Variants in VWA3A observed in about 807,000 individuals in gnomAD.
VWA3A encodes the protein von Willebrand factor A domain-containing protein 3A.
In VWA3A, 134 loss-of-function variants were observed where a neutral mutation model predicts 160.4. The observed-to-expected ratio is 0.84, with a 90% CI of 0.73 to 0.96. The LOEUF is 0.96. VWA3A is among the 40% of genes least tolerant of loss of function. VWA3A has a pLI of 0.00. For synonymous variants in VWA3A, 476 were observed against 543.4 expected, an observed-to-expected ratio of 0.88 and a Z score of 1.72; for missense variants, 1,310 against 1,447.9, an observed-to-expected ratio of 0.90 and a Z score of 1.55.
intron 27 of VWA3A, 44 bp from the exon 28 acceptor site, chr16:22,148,118 C>G: frequency 6.5e-7 from 1 of 1,540,284 alleles, no homozygotes; most frequent in Non-Finnish European, 8.8e-7. Context: ...GGAGGAGGGA[C>G]CCCTCACTCC....
chr16:22,099,840 C>T (rs2045380147), intron 3 of VWA3A, among the ~76,000 whole-genome samples: 1 of 152,124 alleles, frequency 6.6e-6, no homozygotes, highest in Non-Finnish European at 1.5e-5. Flanking sequence ...TTTGGGAGGC[C>T]AAGGCTGGTG....
Position 22,141,686 on chromosome 16 carries a change from G to A in VWA3A, c.2488G>A (p.Asp830Asn), listed in dbSNP as rs1030057808. 2.5e-6 allele frequency: 4 copies of A among 1,607,952 alleles called. No individual in the cohort carries two copies. The African/African-American group carries it at 5.3e-5, about 21-fold the overall frequency. The change falls in exon 24 of 34, where the codon GAC becomes AAC. Residue 830 changes from aspartate (D) to asparagine (N), a missense_variant. By Grantham distance (23) the Asp-to-Asn change is conservative (BLOSUM62 1). Transcript: ENST00000389398. Reference protein sequence around the residue: ...LLLFYTEKGNDVGSVYKKYPQ... With the variant: ...LLLFYTEKGNNVGSVYKKYPQ... Reference sequence around the variant, plus strand: ...ACTGTTCTACACAGAGAAAGGGAATGACGTGGGTAAGTTAGAGGCTATACA... The same window carrying A: ...ACTGTTCTACACAGAGAAAGGGAATAACGTGGGTAAGTTAGAGGCTATACA...
At chr16:22,113,124 C>T (rs1432211126) in intron 8 of VWA3A, among the ~76,000 whole-genome samples, 2 of 152,076 alleles carry the variant, frequency 1.3e-5, no homozygotes, top group Non-Finnish European at 2.9e-5. Flanking sequence ...TTGTCATAAC[C>T]CTATGTCATA....
At chr16:22,108,894 C>T (rs889832738) in intron 6 of VWA3A, among the ~76,000 whole-genome samples, 1 of 152,142 alleles carries the variant, frequency 6.6e-6, no homozygotes, top group African/African-American at 2.4e-5. Flanking sequence ...GGAGTAATAA[C>T]TGTAGAGTAA....
intron 26 of VWA3A, among the ~76,000 whole-genome samples, chr16:22,145,390 G>C (rs962335594): frequency 2.6e-5 from 4 of 152,164 alleles, no homozygotes; most frequent in African/African-American, 9.7e-5. Context: ...TGTAGTCCCA[G>C]AACTTTGGGA....
At chr16:22,155,955 C>A (rs1246183463) in intron 33 of VWA3A, 39 bp downstream of exon 33, 1 of 1,591,330 alleles carries the variant, frequency 6.3e-7, no homozygotes, top group Non-Finnish European at 8.6e-7. Flanking sequence ...CCTGAGTGTG[C>A]ACTAAGCACC....
intron 5 of VWA3A, 54 bp from the exon 6 acceptor site, chr16:22,103,421 T>C: frequency 6.7e-7 from 1 of 1,502,184 alleles, no homozygotes; most frequent in South Asian, 1.2e-5. Context: ...TAAGTGGCTG[T>C]TGCTCAGTGA....
At chr16:22,147,684 C>T (rs994486816) in intron 27 of VWA3A, 16 of 701,924 alleles carry the variant, frequency 2.3e-5, no homozygotes, top group African/African-American at 8.7e-5. Context: ...ACAGAGAAGG[C>T]GTGAGCCTCT....
intron 5 of VWA3A, 31 bp downstream of exon 5, chr16:22,100,524 C>G (rs1468428127): frequency 6.5e-7 from 1 of 1,539,486 alleles, no homozygotes; most frequent in East Asian, 2.4e-5. Flanking sequence ...CCTCCCAACA[C>G]CACAGAACTC....
At position 22,144,239 on chromosome 16, in the gene VWA3A, T is replaced by C. The variant is rs2046206222; in HGVS notation, c.2593-8T>C. 5 of 1,608,878 alleles carry C rather than the reference T, an allele frequency of 3.1e-6. No homozygotes were observed. The highest frequency in any genetic ancestry group is 4.2e-6 in the Non-Finnish European group (5 of 1,177,832). On this transcript the variant is annotated splice_region_variant and splice_polypyrimidine_tract_variant and intron_variant, in intron 25 of 33. Transcript: ENST00000389398. The stretch of plus-strand genomic sequence containing the variant: ...CCTAAGATAATAGTTCTTTCCTTTA[T>C]TCTAAAGTGGGTGGCAAAATATGGG...
chr16:22,123,422 A>G (rs1326355389), intron 15 of VWA3A, 191 bp from the exon 16 acceptor site: 7 of 1,522,124 alleles, frequency 4.6e-6, no homozygotes, highest in Non-Finnish European at 5.3e-6. Context: ...GCAATGAAAT[A>G]CCGTGTGACT....
chr16:22,139,450 C>T (rs561345227), intron 22 of VWA3A, among the ~76,000 whole-genome samples: 96 of 152,290 alleles, frequency 6.3e-4, no homozygotes, highest in Non-Finnish European at 1.2e-3. Context: ...AATCCCAGCA[C>T]TTTGGGAGGC....
At chr16:22,109,642 T>G in intron 7 of VWA3A, 62 bp downstream of exon 7, 1 of 1,442,516 alleles carries the variant, frequency 6.9e-7, no homozygotes, top group Non-Finnish European at 9.6e-7. Flanking sequence ...CTTTCCTTCC[T>G]GAGCTTGCTG....
chr16:22,141,295 A>T, intron 23 of VWA3A: 2 of 577,262 alleles, frequency 3.5e-6, no homozygotes, highest in Non-Finnish European at 6.5e-6. Context: ...CACTTACCTT[A>T]TCTGTAAACT....
chr16:22,132,997 C>A lies in VWA3A; in HGVS notation c.1970C>A (p.Thr657Lys). The A allele has an allele frequency of 6.2e-7, 1 of 1,613,590 alleles. No homozygotes were observed. The highest frequency in any genetic ancestry group is 8.5e-7 in the Non-Finnish European group (1 of 1,179,778). Residue 657 changes from threonine to lysine, a missense_variant, in exon 20 of 34, where the codon ACA becomes AAA. Transcript: ENST00000389398. Reference protein sequence around the residue: ...FYVGEPKMDTTPPARYASHTD... With the variant: ...FYVGEPKMDTKPPARYASHTD... Reference sequence around the variant, plus strand: ...GTGGGCGAGCCAAAGATGGACACCACACCCCCTGCCCGCTATGCCAGTCAC... The same window carrying A: ...GTGGGCGAGCCAAAGATGGACACCAAACCCCCTGCCCGCTATGCCAGTCAC...
chr16:22,103,639 A>T, intron 6 of VWA3A, 110 bp downstream of exon 6: 1 of 1,322,854 alleles, frequency 7.6e-7, no homozygotes, highest in Non-Finnish European at 1.0e-6. Context: ...CTTAAGCTAA[A>T]AAAAGGCATT....
At chr16:22,148,414 G>C in intron 28 of VWA3A, 108 bp downstream of exon 28, 4 of 1,404,134 alleles carry the variant, frequency 2.8e-6, no homozygotes, top group Non-Finnish European at 3.8e-6. Flanking sequence ...TTTCTGAGAT[G>C]CTCTTCTGAG....
chr16:22,141,393 A>G (rs2046146416), intron 23 of VWA3A, 189 bp from the exon 24 acceptor site: 2 of 647,234 alleles, frequency 3.1e-6, no homozygotes, highest in African/African-American at 1.8e-5. Flanking sequence ...AATGGTAGCT[A>G]TAGCTATTTC....
Position 22,117,109 on chromosome 16 carries a change from A to G in VWA3A, c.925-2A>G, listed in dbSNP as rs2141897293. On this transcript the variant is annotated splice_acceptor_variant, in intron 10 of 33. Transcript: ENST00000389398. LOFTEE classifies it high-confidence loss of function. ...GGCCTGACCCTGGCCTCATCCCTGC[A>G]GGCTGTCCTGAAGAACCTTGCAGAA... is the stretch of plus-strand genomic sequence containing the variant. 8 of 1,578,600 alleles carry G rather than the reference A, an allele frequency of 5.1e-6. No homozygotes were observed. The highest frequency in any genetic ancestry group is 6.9e-6 in the Non-Finnish European group (8 of 1,161,840).
Sources: gnomAD v4.1 joint callset for allele counts (sites outside exome capture counted in the v4.1 genomes callset) on GRCh38, gnomAD v4.1.1 for gene constraint, MANE v1.5 for transcripts, NCBI Gene and HGNC (gene_info 2026-07-23, HGNC 2026-07-21) for gene names.